ADGRB3: variants seen among roughly 807,000 people sequenced by gnomAD.
ADGRB3 encodes adhesion G protein-coupled receptor B3.
A neutral mutation model predicts 193.4 loss-of-function variants in ADGRB3; 37 were observed. The ratio of observed to expected loss-of-function variants is 0.19; its 90% CI spans 0.15 to 0.25. The LOEUF (loss-of-function observed/expected upper bound fraction) is 0.25, where lower values mean the gene tolerates loss of function less well. ADGRB3 is among the 10% of genes least tolerant of loss of function. The pLI is 1.00. For synonymous variants in ADGRB3, 690 were observed against 644.2 expected (o/e 1.07, Z -1.08); for missense variants, 1,637 against 1,852.9 (o/e 0.88, Z 2.14).
rs143878868 is a variant in ADGRB3, at chr6:69,260,133, C to T, written c.2814+20907C>T. On this transcript the variant is annotated intron_variant, in intron 20 of 31. Transcript: ENST00000370598. The stretch of plus-strand genomic sequence containing the variant: ...GTAATTCTCCATTTTATGATGGAAT[C>T]GAAGATTTGAAGGAGGAACACATTA... Among the ~76,000 whole-genome samples the T allele has an allele frequency of 2.6e-4, 40 of 152,086 alleles. No homozygotes were observed. In the East Asian group the frequency reaches 3.5e-3, roughly 13 times the overall value.
intron 20 of ADGRB3, among the ~76,000 whole-genome samples, chr6:69,314,251 T>C (rs185533728): frequency 6.6e-6 from 1 of 151,854 alleles, no homozygotes; most frequent in African/African-American, 2.4e-5. Flanking sequence ...CAGATTTTTT[T>C]CTCTGCTGAC....
chr6:68,736,418 C>T (rs1187070523), intron 3 of ADGRB3, among the ~76,000 whole-genome samples: 3 of 152,132 alleles, frequency 2.0e-5, no homozygotes, highest in Non-Finnish European at 4.4e-5. Flanking sequence ...TACTTATCTG[C>T]AATTGCTGAT....
In ADGRB3 at chr6:69,062,925, C is replaced by A. The variant is rs2793459; in HGVS notation, c.2334-9C>A. The A allele has an allele frequency of 4.2e-5, 66 of 1,580,614 alleles. No homozygotes were observed. Among genetic ancestry groups the A allele is most frequent in the Non-Finnish European group, 5.7e-5 (66 of 1,150,778 alleles). On this transcript the variant is annotated splice_polypyrimidine_tract_variant and intron_variant, in intron 15 of 31. Coordinates refer to ENST00000370598, the MANE Select transcript of ADGRB3 (RefSeq NM_001704.3). The stretch of plus-strand genomic sequence containing the variant: ...ATTTCTCCTTTTAATTATAATTACT[C>A]TGTTGCAGAAATTATACTGTCATTA...
intron 17 of ADGRB3, among the ~76,000 whole-genome samples, chr6:69,170,019 G>A (rs1775232834): frequency 6.6e-6 from 1 of 152,072 alleles, no homozygotes; most frequent in African/African-American, 2.4e-5. Context: ...GCTTTAGGAA[G>A]CACTAGTAGT....
chr6:69,143,879 C>G lies in ADGRB3; in HGVS notation c.2480+67841C>G, dbSNP rs533731862. Among the ~76,000 whole-genome samples the G allele has an allele frequency of 9.6e-4, 146 of 152,220 alleles. 1 individual carries two copies. The highest frequency in any genetic ancestry group is 3.3e-3 in the African/African-American group (139 of 41,540). On this transcript the variant is annotated intron_variant, in intron 17 of 31. Transcript: ENST00000370598. ...TGACTATTCTGGGTCTTTTGTGGAT[C>G]CATATACATTTCAGGATTGTTTTTC...
chr6:68,988,527 GACTTCTGCATA>G (rs1246443308), intron 10 of ADGRB3, among the ~76,000 whole-genome samples: 1 of 152,082 alleles, frequency 6.6e-6, no homozygotes, highest in Non-Finnish European at 1.5e-5. Context: ...AGATCATAAT[GACTTCTGCATA>G]AACTATAGGA....
chr6:68,819,552 T>C (rs535898463), intron 3 of ADGRB3, among the ~76,000 whole-genome samples: 2 of 152,162 alleles, frequency 1.3e-5, no homozygotes, highest in South Asian at 4.1e-4. Flanking sequence ...CAAATCTCTA[T>C]ATGTAGGACT....
chr6:69,382,976 C>A, intron 31 of ADGRB3, 41 bp downstream of exon 31: 1 of 1,341,684 alleles, frequency 7.5e-7, no homozygotes, highest in Non-Finnish European at 1.1e-6. Context: ...GAAGATGCAT[C>A]ATGTCAGATA....
At chr6:69,146,821 C>CTTTTTTTTTTTTTTTTTTT (rs756561473) in intron 17 of ADGRB3, among the ~76,000 whole-genome samples, 9 of 103,248 alleles carry the variant, frequency 8.7e-5, no homozygotes, top group East Asian at 3.3e-4. Flanking sequence ...CTCATTACTT[C>CTTTTTTTTTTTTTTTTTTT]TTTTTTTTTT....
intron 3 of ADGRB3, among the ~76,000 whole-genome samples, chr6:68,712,100 T>C (rs945349602): frequency 3.3e-5 from 5 of 152,144 alleles, no homozygotes; most frequent in Middle Eastern, 3.4e-3. Context: ...AAATAATGAC[T>C]GAGGGCAAAA....
At chr6:68,793,570 C>T (rs1013238191) in intron 3 of ADGRB3, among the ~76,000 whole-genome samples, 1 of 152,124 alleles carries the variant, frequency 6.6e-6, no homozygotes, top group African/African-American at 2.4e-5. Flanking sequence ...ACTTTGTCAC[C>T]TAGGCTAGAG....
chr6:68,880,359 C>T (rs1169755205), intron 3 of ADGRB3, among the ~76,000 whole-genome samples: 1 of 152,192 alleles, frequency 6.6e-6, no homozygotes, highest in Non-Finnish European at 1.5e-5. Context: ...TCCTATACAA[C>T]TATATGCTAC....
At chr6:69,199,772 A>G (rs1294516374) in intron 17 of ADGRB3, among the ~76,000 whole-genome samples, 1 of 152,098 alleles carries the variant, frequency 6.6e-6, no homozygotes, top group Non-Finnish European at 1.5e-5. Flanking sequence ...TGCTTTATGG[A>G]TGAGCATTTA....
intron 17 of ADGRB3, among the ~76,000 whole-genome samples, chr6:69,097,489 C>A (rs1163824065): frequency 6.6e-6 from 1 of 152,144 alleles, no homozygotes; most frequent in Non-Finnish European, 1.5e-5. Flanking sequence ...TCTAACCATT[C>A]ATGTCTAAGT....
At chr6:68,709,403 A>G (rs764649389) in intron 3 of ADGRB3, among the ~76,000 whole-genome samples, 9 of 151,328 alleles carry the variant, frequency 5.9e-5, no homozygotes, top group Non-Finnish European at 1.0e-4. Flanking sequence ...CTTAAATGAC[A>G]TGATGTTTTC....
rs535170495 is a variant in ADGRB3, at chr6:69,276,023, T to G, written c.2814+36797T>G. Among the ~76,000 whole-genome samples the G allele has an allele frequency of 8.5e-5, 13 of 152,346 alleles. No homozygotes were observed. The South Asian group carries it at 2.5e-3, about 29-fold the overall frequency. ...GCAACTAAACATTTACTAAGTTCTT[T>G]GGATGTTATTAAATAATAAACTTTT... is the stretch of plus-strand genomic sequence containing the variant. On this transcript the variant is annotated intron_variant, in intron 20 of 31. Coordinates refer to ENST00000370598, the MANE Select transcript of ADGRB3 (RefSeq NM_001704.3).
intron 29 of ADGRB3, among the ~76,000 whole-genome samples, chr6:69,368,950 G>A (rs557455494): frequency 6.6e-6 from 1 of 152,212 alleles, no homozygotes; most frequent in East Asian, 1.9e-4. Context: ...AAAGAGCATA[G>A]AAGGTTTCCA....
At chr6:69,273,320 C>T (rs11965487) in intron 20 of ADGRB3, among the ~76,000 whole-genome samples, 1 of 152,096 alleles carries the variant, frequency 6.6e-6, no homozygotes, top group Non-Finnish European at 1.5e-5. Flanking sequence ...TTCCATATAT[C>T]AAAATCACTT....
chr6:68,883,513 C>G (rs766692497), intron 3 of ADGRB3, among the ~76,000 whole-genome samples: 1 of 152,158 alleles, frequency 6.6e-6, no homozygotes, highest in African/African-American at 2.4e-5. Flanking sequence ...CCTTTATGAG[C>G]TGTAACACTC....
Sources: allele counts gnomAD v4.1 joint callset (sites outside exome capture counted in the v4.1 genomes callset), GRCh38; gene constraint gnomAD v4.1.1; transcripts MANE v1.5; gene names NCBI Gene and HGNC (gene_info 2026-07-23, HGNC 2026-07-21).